The following DACH1 variants were observed in gnomAD, a reference collection of about 807,000 sequenced individuals.
The protein encoded by DACH1 is dachshund homolog 1.
In DACH1, 12 loss-of-function variants were observed where a neutral mutation model predicts 54.2. The observed-to-expected ratio is 0.22, with a 90% CI of 0.14 to 0.36. The LOEUF is 0.36. DACH1 is among the 10% of genes least tolerant of loss of function. DACH1 has a pLI of 1.00. For synonymous variants in DACH1, 386 were observed against 366.2 expected (o/e 1.05, Z -0.62); for missense variants, 805 against 929.8 (o/e 0.87, Z 1.75).
intron 6 of DACH1, among the ~76,000 whole-genome samples, chr13:71,544,366 A>T (rs1883330726): frequency 6.6e-6 from 1 of 152,174 alleles, no homozygotes; most frequent in Admixed American, 6.5e-5. Flanking sequence ...AAAACTTCTC[A>T]GTATGGTTTG....
At chr13:71,529,473 C>T (rs550964821) in intron 6 of DACH1, among the ~76,000 whole-genome samples, 7 of 152,202 alleles carry the variant, frequency 4.6e-5, no homozygotes, top group East Asian at 1.9e-4. Flanking sequence ...TGAGCCACTG[C>T]GCCCAGCTGA....
intron 1 of DACH1, among the ~76,000 whole-genome samples, chr13:71,823,689 A>G (rs1329966897): frequency 1.3e-5 from 2 of 151,978 alleles, no homozygotes; most frequent in Non-Finnish European, 2.9e-5. Context: ...TTGAAAAGGC[A>G]TTTCAAGCCA....
chr13:71,726,372 G>A (rs1314466733), intron 1 of DACH1, among the ~76,000 whole-genome samples: 1 of 152,068 alleles, frequency 6.6e-6, no homozygotes, highest in Non-Finnish European at 1.5e-5. Flanking sequence ...ATTAAAAACA[G>A]TAAACTCAGC....
chr13:71,775,374 G>C, intron 1 of DACH1, among the ~76,000 whole-genome samples: 1 of 151,774 alleles, frequency 6.6e-6, no homozygotes, highest in Non-Finnish European at 1.5e-5. Flanking sequence ...TGGTGCCATG[G>C]CCATATAGAC....
Position 71,866,548 on chromosome 13 carries a change from G to T in DACH1, c.222C>A (p.Gly74=). The T allele has an allele frequency of 1.6e-6, 2 of 1,251,346 alleles. No homozygotes were observed. Among genetic ancestry groups the T allele is most frequent in the South Asian group, 4.0e-5 (1 of 25,196 alleles). 77.5% of individuals were successfully genotyped at this position (1,251,346 alleles called of 1,614,324 possible). The change falls in exon 1 of 11, where the codon GGC becomes GGA. Residue 74 remains glycine (G), a synonymous_variant. Coordinates refer to ENST00000613252, the MANE Select transcript of DACH1 (RefSeq NM_080759.6). ...AAAAATVTST[G]GGGGGGGSGG... Reference sequence around the variant, plus strand: ...CGCTGCCGCCGCCGCCGCCGCCGCCGCCGGTAGAGGTGACTGTGGCCGCCG... The same window carrying T: ...CGCTGCCGCCGCCGCCGCCGCCGCCTCCGGTAGAGGTGACTGTGGCCGCCG...
chr13:71,450,681 CT>C, intron 10 of DACH1, among the ~76,000 whole-genome samples: 1 of 152,068 alleles, frequency 6.6e-6, no homozygotes, highest in Non-Finnish European at 1.5e-5. Flanking sequence ...GTTTGCCAAA[CT>C]GTGAATGAAA....
intron 2 of DACH1, among the ~76,000 whole-genome samples, chr13:71,642,918 G>C (rs1254189886): frequency 6.6e-6 from 1 of 151,892 alleles, no homozygotes; most frequent in Non-Finnish European, 1.5e-5. Flanking sequence ...CCAGCTACTC[G>C]GGAGGCTGAG....
chr13:71,724,590 T>G (rs1468149767), intron 1 of DACH1, among the ~76,000 whole-genome samples: 1 of 152,148 alleles, frequency 6.6e-6, no homozygotes, highest in East Asian at 1.9e-4. Context: ...TTTCTGAATT[T>G]TTTTATACAC....
intron 1 of DACH1, among the ~76,000 whole-genome samples, chr13:71,736,764 A>G (rs1884143627): frequency 6.6e-6 from 1 of 152,238 alleles, no homozygotes; most frequent in African/African-American, 2.4e-5. Flanking sequence ...GATCTGATGT[A>G]TATGAGTACA....
chr13:71,649,925 T>C (rs1878556579), intron 2 of DACH1, among the ~76,000 whole-genome samples: 1 of 152,134 alleles, frequency 6.6e-6, no homozygotes. Context: ...ATCTTGGAAT[T>C]CAAATTCTTT....
intron 2 of DACH1, among the ~76,000 whole-genome samples, chr13:71,661,504 A>G (rs1267428397): frequency 1.3e-5 from 2 of 152,014 alleles, no homozygotes; most frequent in Non-Finnish European, 2.9e-5. Context: ...TCTAAATATG[A>G]TATAATCAAA....
chr13:71,690,790 G>A (rs1326560443), intron 1 of DACH1, among the ~76,000 whole-genome samples: 1 of 151,948 alleles, frequency 6.6e-6, no homozygotes, highest in Non-Finnish European at 1.5e-5. Context: ...AAATTAGCTG[G>A]GCATGGTGGT....
chr13:71,474,879 T>C (rs1037086622), intron 10 of DACH1, among the ~76,000 whole-genome samples: 2 of 152,246 alleles, frequency 1.3e-5, no homozygotes, highest in African/African-American at 2.4e-5. Context: ...ACATTTACTG[T>C]GTCCAAGATT....
At chr13:71,732,883 A>G (rs1324846409) in intron 1 of DACH1, among the ~76,000 whole-genome samples, 2 of 152,104 alleles carry the variant, frequency 1.3e-5, no homozygotes, top group Non-Finnish European at 2.9e-5. Context: ...TTAGCATGAC[A>G]CTGGAATGTC....
At position 71,581,695 on chromosome 13, in the gene DACH1, A is replaced by G. The variant is rs955424653; in HGVS notation, c.1127-8683T>C. On this transcript the variant is annotated intron_variant, in intron 3 of 10. Coordinates refer to ENST00000613252, the MANE Select transcript of DACH1 (RefSeq NM_080759.6). ...AAAGTGAGTAAAATATGAAAGATGA[A>G]TTCAGCATCTAGATTAACAATTGTT... Among the ~76,000 whole-genome samples, 7 of 152,176 alleles carry G rather than the reference A, an allele frequency of 4.6e-5. No homozygotes were observed. The East Asian group carries it at 1.3e-3, about 29-fold the overall frequency.
At chr13:71,652,842 G>A (rs190320089) in intron 2 of DACH1, among the ~76,000 whole-genome samples, 90 of 152,090 alleles carry the variant, frequency 5.9e-4, no homozygotes, top group African/African-American at 2.1e-3. Flanking sequence ...TAGCATAAAC[G>A]TTAACTTTTT....
intron 1 of DACH1, among the ~76,000 whole-genome samples, chr13:71,729,487 C>G (rs180764334): frequency 4.3e-4 from 65 of 152,128 alleles, no homozygotes; most frequent in Admixed American, 3.2e-3. Flanking sequence ...TTATGGTAGT[C>G]TATCACTAGT....
chr13:71,720,141 GA>G lies in DACH1; in HGVS notation c.849-38232del, dbSNP rs576738374. On this transcript the variant is annotated intron_variant, in intron 1 of 10. Coordinates refer to ENST00000613252, the MANE Select transcript of DACH1 (RefSeq NM_080759.6). ...CAGCTATGGATGGGTGAAGCTATGG[GA>G]AAATCAGCAGAAAATGTCTCAGCAA... Among the ~76,000 whole-genome samples the G allele has an allele frequency of 9.9e-5, 15 of 152,216 alleles. No individual in the cohort carries two copies. The East Asian group carries it at 2.9e-3, about 29-fold the overall frequency.
At chr13:71,474,423 A>G (rs868387862) in intron 10 of DACH1, among the ~76,000 whole-genome samples, 1 of 152,230 alleles carries the variant, frequency 6.6e-6, no homozygotes. Context: ...TAGAAAACAA[A>G]TGCTCTTGTT....
Sources: allele counts gnomAD v4.1 joint callset (sites outside exome capture counted in the v4.1 genomes callset), GRCh38; gene constraint gnomAD v4.1.1; transcripts MANE v1.5; gene names NCBI Gene and HGNC (gene_info 2026-07-23, HGNC 2026-07-21).